The following OR1J2 variants were observed in gnomAD, a reference collection of about 807,000 sequenced individuals.
The protein encoded by OR1J2 is olfactory receptor family 1 subfamily J member 2, also known as olfactory receptor 1J2.
For synonymous variants in OR1J2, 142 were observed against 99.7 expected (o/e 1.42, Z -2.52); for missense variants, 304 against 246.1 (o/e 1.24, Z -1.57).
chr9:122,569,284 C>A, the OR1J2 span, among the ~76,000 whole-genome samples: 1 of 152,148 alleles, frequency 6.6e-6, no homozygotes, highest in Non-Finnish European at 1.5e-5. Context: ...ACAGAATAAG[C>A]ACCCATTGTT....
the OR1J2 span, among the ~76,000 whole-genome samples, chr9:122,552,057 ACT>A: frequency 0.031 from 4,417 of 143,886 alleles, 135 homozygotes; most frequent in African/African-American, 0.068. Context: ...ACACACATAC[ACT>A]CTCTCTCTCT....
chr9:122,576,329 C>T, the OR1J2 span, among the ~76,000 whole-genome samples: 2 of 151,996 alleles, frequency 1.3e-5, no homozygotes, highest in South Asian at 2.1e-4. Flanking sequence ...TCAAGCAATT[C>T]TCCTGGCTCA....
At chr9:122,499,910 G>T in the OR1J2 span, among the ~76,000 whole-genome samples, 2 of 152,314 alleles carry the variant, frequency 1.3e-5, no homozygotes, top group African/African-American at 4.8e-5. Flanking sequence ...AGGGCACCAA[G>T]CTGGCCTTGG....
chr9:122,519,436 C>T, the OR1J2 span: 1 of 1,614,158 alleles, frequency 6.2e-7, no homozygotes, highest in Non-Finnish European at 8.5e-7. Context: ...GGGTGTGTAA[C>T]TCAGATGTAT....
downstream of OR1J2, among the ~76,000 whole-genome samples, chr9:122,512,853 C>G (rs1036170962): frequency 6.6e-6 from 1 of 152,140 alleles, no homozygotes; most frequent in Non-Finnish European, 1.5e-5. Context: ...ACTCAAAATG[C>G]TCTGATTTTC....
At chr9:122,463,192 TC>T in the OR1J2 span, among the ~76,000 whole-genome samples, 1 of 152,252 alleles carries the variant, frequency 6.6e-6, no homozygotes, top group Non-Finnish European at 1.5e-5. Flanking sequence ...TGATTTTCTT[TC>T]TTCTACTTAT....
downstream of OR1J2, among the ~76,000 whole-genome samples, chr9:122,512,845 T>A (rs114672107): frequency 0.013 from 1,920 of 152,306 alleles, 30 homozygotes; most frequent in African/African-American, 0.043. Context: ...CTAATGTCAC[T>A]CAAAATGCTC....
chr9:122,449,308 G>A, the OR1J2 span, among the ~76,000 whole-genome samples: 1 of 152,118 alleles, frequency 6.6e-6, no homozygotes, highest in Non-Finnish European at 1.5e-5. Context: ...ACCAGATCTG[G>A]GGCTTGTTTG....
chr9:122,477,650 A>G, the OR1J2 span: 4 of 1,614,276 alleles, frequency 2.5e-6, no homozygotes, highest in Non-Finnish European at 3.4e-6. Context: ...CCCTTGTAAA[A>G]GACGGCTAGG....
At chr9:122,567,525 C>A in the OR1J2 span, 28 of 1,509,724 alleles carry the variant, frequency 1.9e-5, no homozygotes, top group East Asian at 4.5e-5. Flanking sequence ...ATTCCACTTA[C>A]GAGTTTTTCA....
At chr9:122,462,946 T>G in the OR1J2 span, among the ~76,000 whole-genome samples, 1 of 152,222 alleles carries the variant, frequency 6.6e-6, no homozygotes, top group Non-Finnish European at 1.5e-5. Flanking sequence ...TTCTTTGAGC[T>G]TCTTGTATTT....
the OR1J2 span, among the ~76,000 whole-genome samples, chr9:122,558,113 G>C: frequency 3.8e-4 from 58 of 151,606 alleles, no homozygotes; most frequent in African/African-American, 1.4e-3. Context: ...TCCTTAGTTA[G>C]ACTTATTAAT....
downstream of OR1J2, among the ~76,000 whole-genome samples, chr9:122,513,424 C>G (rs574986224): frequency 6.6e-6 from 1 of 152,188 alleles, no homozygotes; most frequent in Non-Finnish European, 1.5e-5. Context: ...CATTCCATAA[C>G]CTTTCACCTA....
the OR1J2 span, among the ~76,000 whole-genome samples, chr9:122,571,946 A>G: frequency 6.6e-6 from 1 of 152,138 alleles, no homozygotes; most frequent in Non-Finnish European, 1.5e-5. Flanking sequence ...AAAGAGGTTC[A>G]ATTGCCTCAC....
chr9:122,545,825 C>A, the OR1J2 span, among the ~76,000 whole-genome samples: 1 of 151,988 alleles, frequency 6.6e-6, no homozygotes, highest in East Asian at 1.9e-4. Flanking sequence ...TTGTAAAATA[C>A]CAGACTGGGA....
At chr9:122,505,892 C>A (rs1187113863), upstream of OR1J2, among the ~76,000 whole-genome samples, 1 of 150,056 alleles carries the variant, frequency 6.7e-6, no homozygotes, top group Non-Finnish European at 1.5e-5. Flanking sequence ...CTCCTTTTTT[C>A]ATTTCTTCCT....
chr9:122,513,223 A>G (rs1828660960), downstream of OR1J2, among the ~76,000 whole-genome samples: 1 of 152,192 alleles, frequency 6.6e-6, no homozygotes, highest in Admixed American at 6.5e-5. Context: ...AAAATGCAAT[A>G]TGTTTACTCA....
the OR1J2 span, among the ~76,000 whole-genome samples, chr9:122,452,118 T>G: frequency 7.9e-5 from 12 of 152,186 alleles, no homozygotes; most frequent in Non-Finnish European, 4.4e-5. Context: ...GACCTTGTGA[T>G]CCACCTGCCT....
chr9:122,489,720 G>A, the OR1J2 span, among the ~76,000 whole-genome samples: 1 of 152,174 alleles, frequency 6.6e-6, no homozygotes, highest in Non-Finnish European at 1.5e-5. Context: ...GGTGACCATT[G>A]TTTGTGTCCA....
Sources: allele counts gnomAD v4.1 joint callset (sites outside exome capture counted in the v4.1 genomes callset), GRCh38; gene constraint gnomAD v4.1.1; transcripts MANE v1.5; gene names NCBI Gene and HGNC (gene_info 2026-07-23, HGNC 2026-07-21).